The following SLC38A6 variants were observed in gnomAD, a reference collection of about 807,000 sequenced individuals.
The protein encoded by SLC38A6 is solute carrier family 38 member 6.
SLC38A6 carries 73 observed loss-of-function variants against 65.0 expected under a neutral mutation model. That is an observed-to-expected ratio of 1.12 (90% CI 0.93 to 1.37). The LOEUF is 1.37. Ranked by LOEUF, SLC38A6 falls within the 40% of genes most tolerant of loss-of-function variation. The probability of loss-of-function intolerance (pLI) is 0.00; values close to 1 mark genes in which losing one functional copy is unlikely to be tolerated. For synonymous variants in SLC38A6, 183 were observed against 178.8 expected (o/e 1.02, Z -0.19); for missense variants, 561 against 531.1 (o/e 1.06, Z -0.55).
At chr14:61,002,889 T>C (rs1268172711) in intron 3 of SLC38A6, among the ~76,000 whole-genome samples, 1 of 152,170 alleles carries the variant, frequency 6.6e-6, no homozygotes, top group Non-Finnish European at 1.5e-5. Flanking sequence ...AAGACTCAAT[T>C]AATTTTGTAA....
Position 61,011,545 on chromosome 14 carries a change from G to A in SLC38A6, c.311-4359G>A, listed in dbSNP as rs188859955. On this transcript the variant is annotated intron_variant, in intron 3 of 15. Transcript: ENST00000267488. ...TCATAGATAGCTCTTATTATTTTGAGATACGTCCCATCAATACCTAATTTA... is the reference window on the plus strand; with the variant it reads ...TCATAGATAGCTCTTATTATTTTGAAATACGTCCCATCAATACCTAATTTA... Among the ~76,000 whole-genome samples the A allele has an allele frequency of 1.1e-3, 168 of 152,196 alleles. No individual in the cohort carries two copies. The East Asian group carries it at 0.023, about 21-fold the overall frequency.
Position 61,052,084 on chromosome 14 carries a change from A to G in SLC38A6, c.1239A>G (p.Leu413=). ...GTTTGATTTTTATATTCCCAGGACT[A>G]TTTTATCTTAAACTTAGCAGAGAGG... ...STCLIFIFPG[L]FYLKLSREDF... The change falls in exon 15 of 16, where the codon CTA becomes CTG. Residue 413 remains leucine, a synonymous_variant. Coordinates refer to ENST00000267488, the MANE Select transcript of SLC38A6 (RefSeq NM_153811.3). 3.2e-6 allele frequency: 5 copies of G among 1,583,118 alleles called. No individual in the cohort carries two copies. Among genetic ancestry groups the G allele is most frequent in the Non-Finnish European group, 4.3e-6 (5 of 1,172,446 alleles).
intron 15 of SLC38A6, among the ~76,000 whole-genome samples, chr14:61,067,369 C>A (rs2043056967): frequency 6.6e-6 from 1 of 152,134 alleles, no homozygotes; most frequent in Non-Finnish European, 1.5e-5. Flanking sequence ...CACATAACTT[C>A]CAACCATGTT....
chr14:61,020,756 A>G (rs1043462328), intron 5 of SLC38A6, among the ~76,000 whole-genome samples: 1 of 152,174 alleles, frequency 6.6e-6, no homozygotes, highest in East Asian at 1.9e-4. Flanking sequence ...ATTTTGGAAT[A>G]ATTTATTTAG....
chr14:61,031,789 T>TAAAA (rs2041011147), intron 6 of SLC38A6, among the ~76,000 whole-genome samples: 1 of 151,934 alleles, frequency 6.6e-6, no homozygotes, highest in Non-Finnish European at 1.5e-5. Flanking sequence ...GAAATTTATA[T>TAAAA]TTTAGGGTTA....
At chr14:61,073,392 G>A (rs1478570835) in intron 15 of SLC38A6, among the ~76,000 whole-genome samples, 1 of 152,076 alleles carries the variant, frequency 6.6e-6, no homozygotes, top group Non-Finnish European at 1.5e-5. Context: ...ACCTCTTAAA[G>A]GCTCCATCTC....
intron 3 of SLC38A6, among the ~76,000 whole-genome samples, chr14:60,991,112 T>G (rs995331275): frequency 1.3e-5 from 2 of 152,220 alleles, no homozygotes; most frequent in African/African-American, 4.8e-5. Context: ...CAGTCTATTC[T>G]TAACAAAACA....
intron 15 of SLC38A6, among the ~76,000 whole-genome samples, chr14:61,077,635 G>C (rs147759307): frequency 6.8e-4 from 104 of 152,110 alleles, no homozygotes; most frequent in East Asian, 5.6e-3. Context: ...CTAAAGATTT[G>C]TCATTCATTT....
chr14:60,999,430 T>A (rs946466330), intron 3 of SLC38A6, among the ~76,000 whole-genome samples: 2 of 152,214 alleles, frequency 1.3e-5, no homozygotes, highest in African/African-American at 4.8e-5. Flanking sequence ...CAAAAAGGTT[T>A]TAAAACCCTC....
chr14:61,004,921 G>A (rs559983803), intron 3 of SLC38A6, among the ~76,000 whole-genome samples: 3 of 151,954 alleles, frequency 2.0e-5, no homozygotes, highest in Non-Finnish European at 4.4e-5. Context: ...TGATGAACAT[G>A]GATGCAAAAA....
intron 5 of SLC38A6, among the ~76,000 whole-genome samples, chr14:61,027,698 T>G (rs1298590068): frequency 6.6e-6 from 1 of 151,282 alleles, no homozygotes; most frequent in Non-Finnish European, 1.5e-5. Flanking sequence ...TTTGGTAATC[T>G]TTTTGTTTCT....
chr14:61,039,515 T>C (rs1432214572), intron 8 of SLC38A6, among the ~76,000 whole-genome samples: 2 of 143,770 alleles, frequency 1.4e-5, no homozygotes, highest in Non-Finnish European at 3.0e-5. Context: ...GGATTTCAGG[T>C]GCATGCTAAT....
At chr14:61,027,956 G>A (rs1192329513) in intron 5 of SLC38A6, among the ~76,000 whole-genome samples, 1 of 151,648 alleles carries the variant, frequency 6.6e-6, no homozygotes, top group African/African-American at 2.4e-5. Context: ...TATCTTGTAT[G>A]TGAGGTCTTC....
chr14:60,997,544 G>C (rs942473853), intron 3 of SLC38A6, among the ~76,000 whole-genome samples: 6 of 152,202 alleles, frequency 3.9e-5, no homozygotes, highest in Non-Finnish European at 8.8e-5. Flanking sequence ...TTATTCCTCT[G>C]AGTAAAGGGA....
chr14:61,065,864 G>A (rs180942312), intron 15 of SLC38A6, among the ~76,000 whole-genome samples: 3 of 152,300 alleles, frequency 2.0e-5, no homozygotes, highest in Admixed American at 1.3e-4. Flanking sequence ...TAATCTGTGG[G>A]TAGCTAGGTG....
intron 6 of SLC38A6, among the ~76,000 whole-genome samples, chr14:61,034,902 G>T (rs1288626567): frequency 2.0e-5 from 3 of 152,134 alleles, no homozygotes; most frequent in African/African-American, 4.8e-5. Flanking sequence ...TTCTGCAGCT[G>T]CTCCTTCTCT....
intron 5 of SLC38A6, among the ~76,000 whole-genome samples, chr14:61,027,647 G>A (rs955193684): frequency 4.0e-5 from 6 of 151,828 alleles, no homozygotes. Context: ...TTGTTCTTTT[G>A]TATGAATTTA....
intron 3 of SLC38A6, among the ~76,000 whole-genome samples, chr14:61,004,811 G>C (rs557606746): frequency 6.6e-6 from 1 of 152,278 alleles, no homozygotes; most frequent in Non-Finnish European, 1.5e-5. Flanking sequence ...AATAGAAAAA[G>C]AGGGAATCCT....
At position 61,065,839 on chromosome 14, in the gene SLC38A6, G is replaced by A. The variant is rs528254038; in HGVS notation, c.1291-12971G>A. 3.3e-5 allele frequency among the ~76,000 whole-genome samples: 5 copies of A among 152,288 alleles called. No individual in the cohort carries two copies. The South Asian group carries it at 1.0e-3, about 32-fold the overall frequency. On this transcript the variant is annotated intron_variant, in intron 15 of 16. Transcript: ENST00000354886. ...TCTTCTCTGTCCTGCATGTTTGCAGGCTCAGGTTACTGGGTAATCTGTGGG... is the reference window on the plus strand; with the variant it reads ...TCTTCTCTGTCCTGCATGTTTGCAGACTCAGGTTACTGGGTAATCTGTGGG...
Sources: gnomAD v4.1 joint callset for allele counts (sites outside exome capture counted in the v4.1 genomes callset) on GRCh38, gnomAD v4.1.1 for gene constraint, MANE v1.5 for transcripts, NCBI Gene and HGNC (gene_info 2026-07-23, HGNC 2026-07-21) for gene names.